VTI1A: variants seen among roughly 807,000 people sequenced by gnomAD.
VTI1A encodes the protein vesicle transport through interaction with t-SNAREs homolog 1A.
VTI1A carries 22 observed loss-of-function variants against 34.9 expected under a neutral mutation model. The ratio of observed to expected loss-of-function variants is 0.63; its 90% CI spans 0.45 to 0.90. The LOEUF (loss-of-function observed/expected upper bound fraction) is 0.90. Among genes scored for constraint, VTI1A ranks in the 40% least tolerant of loss-of-function variants. The pLI is 0.00. For missense variants in VTI1A, 268 were observed against 275.6 expected, an observed-to-expected ratio of 0.97 and a Z score of 0.20; for synonymous variants, 87 against 97.3, an observed-to-expected ratio of 0.89 and a Z score of 0.62.
chr10:112,834,246 G>T, the VTI1A span, among the ~76,000 whole-genome samples: 1 of 152,152 alleles, frequency 6.6e-6, no homozygotes, highest in Non-Finnish European at 1.5e-5. Context: ...CCAGTCTCTG[G>T]TCTGTTCATG....
intron 7 of VTI1A, among the ~76,000 whole-genome samples, chr10:112,793,968 C>T (rs10787467): frequency 0.79 from 119,978 of 152,134 alleles, 48,523 homozygotes; most frequent in Non-Finnish European, 0.89. Context: ...GTCTGACCTG[C>T]ATAAAGAAGA....
At chr10:112,480,080 C>T (rs756435882) in intron 3 of VTI1A, among the ~76,000 whole-genome samples, 6 of 152,114 alleles carry the variant, frequency 3.9e-5, no homozygotes, top group Non-Finnish European at 7.4e-5. Flanking sequence ...TTAAAAGTTC[C>T]AAGTATTGTT....
intron 5 of VTI1A, among the ~76,000 whole-genome samples, chr10:112,642,980 T>TTC (rs1050377376): frequency 6.8e-6 from 1 of 146,730 alleles, no homozygotes; most frequent in African/African-American, 2.5e-5. Flanking sequence ...TTCTTTTCTT[T>TTC]TTTTTTTTTT....
the VTI1A span, among the ~76,000 whole-genome samples, chr10:112,835,223 G>A: frequency 2.0e-5 from 3 of 152,092 alleles, no homozygotes; most frequent in Non-Finnish European, 2.9e-5. Context: ...GCCAGAACAC[G>A]GAGCCCCAGA....
chr10:112,792,152 A>G (rs553395340), intron 7 of VTI1A, among the ~76,000 whole-genome samples: 1 of 152,174 alleles, frequency 6.6e-6, no homozygotes, highest in East Asian at 1.9e-4. Context: ...GTGTGCACCT[A>G]TAATCCCAGC....
At chr10:112,689,443 G>A (rs966009604) in intron 7 of VTI1A, among the ~76,000 whole-genome samples, 5 of 152,192 alleles carry the variant, frequency 3.3e-5, no homozygotes, top group African/African-American at 9.7e-5. Context: ...GGGAAGGGTG[G>A]TTTTGGAGCT....
chr10:112,790,560 T>C (rs150534671), intron 7 of VTI1A, among the ~76,000 whole-genome samples: 1 of 152,286 alleles, frequency 6.6e-6, no homozygotes, highest in East Asian at 1.9e-4. Flanking sequence ...TTATTGACAA[T>C]GCTGCTAGGC....
chr10:112,846,196 C>T, the VTI1A span, among the ~76,000 whole-genome samples: 4 of 152,290 alleles, frequency 2.6e-5, no homozygotes, highest in East Asian at 7.7e-4. Context: ...CCCCAGGCAC[C>T]AAGGCCTGAA....
At chr10:112,517,879 G>C (rs965041592) in intron 3 of VTI1A, among the ~76,000 whole-genome samples, 3 of 151,902 alleles carry the variant, frequency 2.0e-5, no homozygotes, top group African/African-American at 7.3e-5. Context: ...GTCTTGGATG[G>C]GATCCTGGAA....
intron 7 of VTI1A, among the ~76,000 whole-genome samples, chr10:112,757,065 G>A (rs1008915445): frequency 6.7e-6 from 1 of 150,288 alleles, no homozygotes; most frequent in East Asian, 2.0e-4. Flanking sequence ...AAAAAAAGAT[G>A]CATCATTATG....
At chr10:112,842,190 A>T in the VTI1A span, among the ~76,000 whole-genome samples, 4,000 of 150,626 alleles carry the variant, frequency 0.027, 176 homozygotes, top group African/African-American at 0.093. Flanking sequence ...TTAAAATGAG[A>T]TGCCTGTTAC....
intron 5 of VTI1A, among the ~76,000 whole-genome samples, chr10:112,600,770 C>A (rs1456367662): frequency 1.3e-5 from 2 of 152,292 alleles, no homozygotes; most frequent in East Asian, 3.9e-4. Context: ...TTCAAAAAAT[C>A]ACGAATGAAT....
chr10:112,539,231 T>G (rs1331426740), intron 5 of VTI1A, among the ~76,000 whole-genome samples: 2 of 152,234 alleles, frequency 1.3e-5, no homozygotes, highest in Non-Finnish European at 2.9e-5. Flanking sequence ...TTTTTATCAA[T>G]TTTTAAAGAT....
intron 7 of VTI1A, among the ~76,000 whole-genome samples, chr10:112,811,308 C>A (rs12772183): frequency 0.27 from 40,757 of 152,042 alleles, 5,751 homozygotes; most frequent in Middle Eastern, 0.32. Flanking sequence ...GAGACAAACA[C>A]TGGAAGTTAG....
intron 5 of VTI1A, among the ~76,000 whole-genome samples, chr10:112,626,281 T>TG (rs1351175133): frequency 6.6e-6 from 1 of 152,186 alleles, no homozygotes; most frequent in Admixed American, 6.5e-5. Flanking sequence ...TTATGAATTT[T>TG]GGGGCAACTG....
In VTI1A at chr10:112,818,079, G is replaced by A. The variant is rs753030136; in HGVS notation, c.*2696G>A. On this transcript the variant is annotated 3_prime_UTR_variant, in exon 8 of 8. Transcript: ENST00000393077. ...TGCAGTGGGTCTGACGTCAGCTGCC[G>A]GGCCTGGGCTGGGAGGCCATTTGCT... is the stretch of plus-strand genomic sequence containing the variant. 10 of 233,496 alleles carry A rather than the reference G, an allele frequency of 4.3e-5. No homozygotes were observed. Among genetic ancestry groups the A allele is most frequent in the East Asian group, 3.6e-4 (6 of 16,562 alleles). The allele number at this position is 233,496 out of a possible 1,614,324, so 14.5% of individuals were successfully genotyped here.
At chr10:112,574,826 A>G (rs574415877) in intron 5 of VTI1A, among the ~76,000 whole-genome samples, 35 of 152,346 alleles carry the variant, frequency 2.3e-4, no homozygotes, top group African/African-American at 6.5e-4. Flanking sequence ...TGTTTACCCA[A>G]TGTACAAAGG....
At chr10:112,722,375 G>A (rs1002210136) in intron 7 of VTI1A, among the ~76,000 whole-genome samples, 4 of 152,062 alleles carry the variant, frequency 2.6e-5, no homozygotes, top group African/African-American at 4.8e-5. Context: ...TGGGGGGATG[G>A]GGGAGGGATA....
At chr10:112,564,392 A>G (rs1192110555) in intron 5 of VTI1A, among the ~76,000 whole-genome samples, 1 of 151,988 alleles carries the variant, frequency 6.6e-6, no homozygotes, top group South Asian at 2.1e-4. Context: ...TTAGTTTTCT[A>G]TAGTCAATGT....
Sources: allele counts gnomAD v4.1 joint callset (sites outside exome capture counted in the v4.1 genomes callset), GRCh38; gene constraint gnomAD v4.1.1; transcripts MANE v1.5; gene names NCBI Gene and HGNC (gene_info 2026-07-23, HGNC 2026-07-21).